Variants in CPNE8 observed in about 807,000 individuals in gnomAD.
CPNE8 encodes copine 8, also known as copine-8.
Under a neutral mutation model 81.5 loss-of-function variants are expected in CPNE8, and 45 were observed. The observed-to-expected ratio is 0.55, with a 90% CI of 0.44 to 0.71. The LOEUF (loss-of-function observed/expected upper bound fraction) is 0.71, where lower values mean the gene tolerates loss of function less well. Ranked by LOEUF, CPNE8 falls within the 30% of genes least tolerant of loss-of-function variation. The pLI is 0.00. For synonymous variants in CPNE8, 252 were observed against 226.3 expected (o/e 1.11, Z -1.02); for missense variants, 594 against 672.1 (o/e 0.88, Z 1.28).
intron 10 of CPNE8, among the ~76,000 whole-genome samples, chr12:38,740,540 T>C (rs891672133): frequency 6.6e-6 from 1 of 152,204 alleles, no homozygotes; most frequent in Non-Finnish European, 1.5e-5. Flanking sequence ...TTGTCATAAA[T>C]AGCTCTTACT....
chr12:38,719,927 G>A (rs1333627013), intron 13 of CPNE8, among the ~76,000 whole-genome samples: 1 of 152,130 alleles, frequency 6.6e-6, no homozygotes, highest in African/African-American at 2.4e-5. Flanking sequence ...CTTAGGTCTA[G>A]TTAGATTAAT....
chr12:38,783,888 A>G (rs1019728906), intron 6 of CPNE8, among the ~76,000 whole-genome samples: 1 of 152,214 alleles, frequency 6.6e-6, no homozygotes, highest in African/African-American at 2.4e-5. Flanking sequence ...AGTCTTGCCA[A>G]GAAGAATGGG....
rs567422896 is a variant in CPNE8, at chr12:38,857,694, C to T, written c.187-9032G>A. Among the ~76,000 whole-genome samples, 145 of 152,166 alleles carry T rather than the reference C, an allele frequency of 9.5e-4. 1 individual carries two copies. The highest frequency in any genetic ancestry group is 3.3e-3 in the African/African-American group (138 of 41,528). On this transcript the variant is annotated intron_variant, in intron 3 of 19. Coordinates refer to ENST00000331366, the MANE Select transcript of CPNE8 (RefSeq NM_153634.3). ...TTAAGAGGCCAGGGTGGGTGGATCA[C>T]GAGGTCAGGAGTTCAAGACCAGCCT...
chr12:38,806,793 G>T (rs140427473), intron 6 of CPNE8, among the ~76,000 whole-genome samples: 1 of 148,764 alleles, frequency 6.7e-6, no homozygotes, highest in African/African-American at 2.4e-5. Context: ...TATTCAATTA[G>T]GAAAAGAGGA....
chr12:38,725,464 A>G (rs1474761431), intron 11 of CPNE8, among the ~76,000 whole-genome samples: 1 of 152,190 alleles, frequency 6.6e-6, no homozygotes, highest in Non-Finnish European at 1.5e-5. Context: ...TCTATATTTC[A>G]TAAGATATTA....
At chr12:38,825,820 C>A (rs1943180361) in intron 6 of CPNE8, among the ~76,000 whole-genome samples, 1 of 152,170 alleles carries the variant, frequency 6.6e-6, no homozygotes. Flanking sequence ...AACATCTGAT[C>A]CAGTGATAGC....
At chr12:38,799,883 A>G (rs1051090637) in intron 6 of CPNE8, among the ~76,000 whole-genome samples, 6 of 151,898 alleles carry the variant, frequency 4.0e-5, no homozygotes, top group African/African-American at 1.5e-4. Context: ...TCCGAGTCAA[A>G]GAAAGGTGTG....
intron 10 of CPNE8, among the ~76,000 whole-genome samples, chr12:38,749,978 C>T (rs1941316987): frequency 6.6e-6 from 1 of 152,114 alleles, no homozygotes; most frequent in Non-Finnish European, 1.5e-5. Context: ...TCAACCACTC[C>T]CATCAGAGGC....
At chr12:38,746,698 T>C (rs894507775) in intron 10 of CPNE8, among the ~76,000 whole-genome samples, 2 of 152,186 alleles carry the variant, frequency 1.3e-5, no homozygotes, top group African/African-American at 2.4e-5. Context: ...CTAACATACA[T>C]TGGAGATGCT....
chr12:38,748,767 A>C (rs1941293169), intron 10 of CPNE8, among the ~76,000 whole-genome samples: 1 of 152,116 alleles, frequency 6.6e-6, no homozygotes, highest in African/African-American at 2.4e-5. Context: ...ATTTTTAAGG[A>C]TATTAATACA....
At chr12:38,881,935 T>C (rs1013701995) in intron 1 of CPNE8, among the ~76,000 whole-genome samples, 2 of 152,228 alleles carry the variant, frequency 1.3e-5, no homozygotes, top group Admixed American at 1.3e-4. Flanking sequence ...GAGCAGGATA[T>C]GGGTCTTCTT....
chr12:38,869,824 T>C lies in CPNE8; in HGVS notation c.186+3180A>G, dbSNP rs528870578. Reference sequence around the variant, plus strand: ...CATTTTGTTTTCAAACCCTTTTTGATCATTATTCCTTCTTACCAATACTTT... The same window carrying C: ...CATTTTGTTTTCAAACCCTTTTTGACCATTATTCCTTCTTACCAATACTTT... On this transcript the variant is annotated intron_variant, in intron 3 of 19. Coordinates refer to ENST00000331366, the MANE Select transcript of CPNE8 (RefSeq NM_153634.3). Among the ~76,000 whole-genome samples the C allele has an allele frequency of 3.6e-4, 55 of 152,310 alleles. 1 individual carries two copies. In the South Asian group the frequency reaches 0.011, roughly 30 times the overall value.
intron 1 of CPNE8, among the ~76,000 whole-genome samples, chr12:38,897,145 T>C (rs1944399343): frequency 6.6e-6 from 1 of 152,124 alleles, no homozygotes; most frequent in Non-Finnish European, 1.5e-5. Context: ...CTAATTCCAT[T>C]TTCTTGCTGC....
intron 6 of CPNE8, among the ~76,000 whole-genome samples, chr12:38,797,087 C>A (rs1468290099): frequency 6.6e-6 from 1 of 152,194 alleles, no homozygotes; most frequent in Non-Finnish European, 1.5e-5. Flanking sequence ...AGGAGGCCTG[C>A]CTGCCTCTGT....
At position 38,744,240 on chromosome 12, in the gene CPNE8, A is replaced by T. The variant is rs961695570; in HGVS notation, c.723-13882T>A. ...TTACATAAGAAAGCACAATAGATTG[A>T]GGTTGGTGTAATCTGAAATATTTTC... On this transcript the variant is annotated intron_variant, in intron 10 of 19. Transcript: ENST00000331366. Among the ~76,000 whole-genome samples, 8 of 152,148 alleles carry T rather than the reference A, an allele frequency of 5.3e-5. No homozygotes were observed. The East Asian group carries it at 1.5e-3, about 29-fold the overall frequency.
At chr12:38,789,368 A>G (rs1428802270) in intron 6 of CPNE8, among the ~76,000 whole-genome samples, 1 of 151,958 alleles carries the variant, frequency 6.6e-6, no homozygotes, top group Non-Finnish European at 1.5e-5. Flanking sequence ...AGTCTGTTCA[A>G]TAAATGGTAG....
Position 38,654,023 on chromosome 12 carries a change from C to T in CPNE8, c.1554G>A (p.Leu518=), listed in dbSNP as rs1451607678. 1.2e-6 allele frequency: 2 copies of T among 1,612,678 alleles called. No homozygotes were observed. Among genetic ancestry groups the T allele is most frequent in the Non-Finnish European group, 1.7e-6 (2 of 1,179,536 alleles). Residue 518 remains leucine, a synonymous_variant, in exon 20 of 20, where the codon CTG becomes CTA. Transcript: ENST00000331366. Reference sequence around the variant, plus strand: ...CATCTTTAGCCAATCTAGCCATGCTCAGTATGTGGTTTCCACTTCTGTCAA... The same window carrying T: ...CATCTTTAGCCAATCTAGCCATGCTTAGTATGTGGTTTCCACTTCTGTCAA... The part of the protein sequence containing the change: ...DYIDRSGNHI[L]SMARLAKDVL...
intron 13 of CPNE8, 40 bp from the exon 14 acceptor site, chr12:38,702,961 A>G: frequency 7.4e-7 from 1 of 1,344,712 alleles, no homozygotes. Flanking sequence ...TAATGAAATA[A>G]CCTGATAAAA....
chr12:38,875,140 A>G (rs1282168848), intron 1 of CPNE8, among the ~76,000 whole-genome samples: 1 of 152,188 alleles, frequency 6.6e-6, no homozygotes, highest in Non-Finnish European at 1.5e-5. Flanking sequence ...CTAAAATAGA[A>G]TAACAATGGA....
Sources: gnomAD v4.1 joint callset for allele counts (sites outside exome capture counted in the v4.1 genomes callset) on GRCh38, gnomAD v4.1.1 for gene constraint, MANE v1.5 for transcripts, NCBI Gene and HGNC (gene_info 2026-07-23, HGNC 2026-07-21) for gene names.